RBFOX3: variants seen among roughly 807,000 people sequenced by gnomAD.
The protein encoded by RBFOX3 is RNA binding fox-1 homolog 3.
RBFOX3 carries 17 observed loss-of-function variants against 48.7 expected under a neutral mutation model. The ratio of observed to expected loss-of-function variants is 0.35; its 90% CI spans 0.24 to 0.52. The LOEUF (loss-of-function observed/expected upper bound fraction) is 0.52, where lower values mean the gene tolerates loss of function less well. Ranked by LOEUF, RBFOX3 falls within the 20% of genes least tolerant of loss-of-function variation. The probability of loss-of-function intolerance (pLI) is 0.94; values close to 1 mark genes in which losing one functional copy is unlikely to be tolerated. For synonymous variants in RBFOX3, 212 were observed against 209.5 expected (o/e 1.01, Z -0.10); for missense variants, 382 against 497.5 (o/e 0.77, Z 2.21).
In RBFOX3 at chr17:79,293,933, A is replaced by G. The variant is rs569595981; in HGVS notation, c.-74+13791T>C. Among the ~76,000 whole-genome samples, 6 of 152,254 alleles carry G rather than the reference A, an allele frequency of 3.9e-5. No homozygotes were observed. The East Asian group carries it at 5.8e-4, about 15-fold the overall frequency. On this transcript the variant is annotated intron_variant, in intron 3 of 14. Transcript: ENST00000693108. ...CCCCAGCTGCTATTACAGGATGGAG[A>G]GATGAAACAGGGCCGAGAAAGAGCC...
rs182434736 is a variant in RBFOX3, at chr17:79,453,496, G to A, written c.-175+28958C>T. 2.0e-5 allele frequency among the ~76,000 whole-genome samples: 3 copies of A among 152,340 alleles called. No homozygotes were observed. In the East Asian group the frequency reaches 5.8e-4, roughly 29 times the overall value. ...GGGGTGGTGGAAGGGAAGCTGGTGG[G>A]AGGCAGGGATGTCACCCAGAGTCCC... On this transcript the variant is annotated intron_variant, in intron 2 of 14. Coordinates refer to ENST00000693108, the MANE Select transcript of RBFOX3 (RefSeq NM_001350451.2).
chr17:79,614,124 G>C (rs1016786124), upstream of RBFOX3, among the ~76,000 whole-genome samples: 14 of 152,238 alleles, frequency 9.2e-5, no homozygotes, highest in African/African-American at 3.1e-4. Flanking sequence ...CAGAGGCAGG[G>C]AAGGCTGACA....
At chr17:79,355,613 C>T (rs1412322271) in intron 2 of RBFOX3, among the ~76,000 whole-genome samples, 5 of 151,944 alleles carry the variant, frequency 3.3e-5, no homozygotes, top group Non-Finnish European at 7.4e-5. Context: ...CGGAGTCTTG[C>T]TCTGTTGCCC....
At chr17:79,358,919 C>T (rs1340036037) in intron 2 of RBFOX3, among the ~76,000 whole-genome samples, 2 of 152,222 alleles carry the variant, frequency 1.3e-5, no homozygotes, top group African/African-American at 4.8e-5. Flanking sequence ...AACAAAGTAT[C>T]CTTCCCTCTT....
At chr17:79,629,552 C>T in the RBFOX3 span, among the ~76,000 whole-genome samples, 10,972 of 152,186 alleles carry the variant, frequency 0.072, 1,207 homozygotes, top group African/African-American at 0.24. Flanking sequence ...GATTCGGAGT[C>T]AGTGTAATCT....
At chr17:79,224,424 TTCC>T (rs1477157741) in intron 4 of RBFOX3, among the ~76,000 whole-genome samples, 1 of 152,218 alleles carries the variant, frequency 6.6e-6, no homozygotes, top group East Asian at 1.9e-4. Context: ...AACCAGCTCT[TTCC>T]TCCTCTGGGC....
At chr17:79,134,737 G>A (rs1242326143) in intron 4 of RBFOX3, among the ~76,000 whole-genome samples, 5 of 152,042 alleles carry the variant, frequency 3.3e-5, no homozygotes, top group African/African-American at 1.2e-4. Context: ...CCTGGGGGAA[G>A]AGGCAGTTCC....
intron 4 of RBFOX3, among the ~76,000 whole-genome samples, chr17:79,193,539 A>T (rs2054950786): frequency 6.6e-6 from 1 of 152,184 alleles, no homozygotes; most frequent in South Asian, 2.1e-4. Context: ...TCCACTTAAA[A>T]ATATTGTCTA....
chr17:79,436,178 G>A (rs1555731041), intron 2 of RBFOX3, among the ~76,000 whole-genome samples: 1 of 152,244 alleles, frequency 6.6e-6, no homozygotes, highest in Non-Finnish European at 1.5e-5. Context: ...GGCATCTGCT[G>A]TGAGTGGGCA....
At chr17:79,314,713 C>A (rs753065278) in intron 2 of RBFOX3, among the ~76,000 whole-genome samples, 2 of 152,180 alleles carry the variant, frequency 1.3e-5, no homozygotes, top group African/African-American at 2.4e-5. Flanking sequence ...CAGGAAGAGG[C>A]CATGCATGTG....
At chr17:79,310,796 C>T (rs917131735) in intron 2 of RBFOX3, among the ~76,000 whole-genome samples, 1 of 152,212 alleles carries the variant, frequency 6.6e-6, no homozygotes, top group Non-Finnish European at 1.5e-5. Flanking sequence ...CCATAACACA[C>T]AGAAACATTG....
chr17:79,349,294 C>T (rs1257930879), intron 2 of RBFOX3, among the ~76,000 whole-genome samples: 1 of 152,078 alleles, frequency 6.6e-6, no homozygotes, highest in African/African-American at 2.4e-5. Context: ...ACCCTCTCCT[C>T]CCACCTCTCA....
intron 2 of RBFOX3, among the ~76,000 whole-genome samples, chr17:79,332,962 G>A (rs1201449199): frequency 6.6e-6 from 1 of 151,056 alleles, no homozygotes; most frequent in African/African-American, 2.4e-5. Context: ...GAGGGAAAGA[G>A]ACAGACAGAA....
chr17:79,635,928 G>A, the RBFOX3 span, among the ~76,000 whole-genome samples: 1 of 152,140 alleles, frequency 6.6e-6, no homozygotes, highest in Non-Finnish European at 1.5e-5. Context: ...ACAAGGTTCT[G>A]AGCAAAAAGA....
At chr17:79,557,734 G>C (rs2091888378) in intron 1 of RBFOX3, among the ~76,000 whole-genome samples, 1 of 152,238 alleles carries the variant, frequency 6.6e-6, no homozygotes, top group African/African-American at 2.4e-5. Flanking sequence ...ATAAACAAAG[G>C]CTAACGGCAG....
At chr17:79,620,640 CACACACACGGACAT>C in the RBFOX3 span, among the ~76,000 whole-genome samples, 18 of 27,158 alleles carry the variant, frequency 6.6e-4, no homozygotes, top group Middle Eastern at 0.023. Context: ...CACGCACACG[CACACACACGGACAT>C]GCACACACGC....
the RBFOX3 span, among the ~76,000 whole-genome samples, chr17:79,631,572 G>A: frequency 5.3e-4 from 81 of 152,302 alleles, no homozygotes; most frequent in Middle Eastern, 3.4e-3. Flanking sequence ...CGGGGCCTGG[G>A]AGGCACCACC....
chr17:79,176,077 T>C (rs2050472252), intron 4 of RBFOX3, among the ~76,000 whole-genome samples: 1 of 152,320 alleles, frequency 6.6e-6, no homozygotes, highest in African/African-American at 2.4e-5. Context: ...ACTCAGGGCC[T>C]ACTGTGGTGC....
chr17:79,572,275 C>G (rs2144580666), intron 1 of RBFOX3, among the ~76,000 whole-genome samples: 1 of 152,296 alleles, frequency 6.6e-6, no homozygotes, highest in East Asian at 1.9e-4. Context: ...GGCAGTGAGT[C>G]TTTAGGGCAG....
Sources: gnomAD v4.1 joint callset for allele counts (sites outside exome capture counted in the v4.1 genomes callset) on GRCh38, gnomAD v4.1.1 for gene constraint, MANE v1.5 for transcripts, NCBI Gene and HGNC (gene_info 2026-07-23, HGNC 2026-07-21) for gene names.